Variants in AKAP19 observed in about 807,000 individuals in gnomAD.
AKAP19 encodes A-kinase anchoring protein 19.
At chr2:190,137,276 T>A in the AKAP19 span, among the ~76,000 whole-genome samples, 1 of 152,244 alleles carries the variant, frequency 6.6e-6, no homozygotes, top group East Asian at 1.9e-4. Context: ...GGAATGATTA[T>A]ATCTTTGTGT....
At chr2:190,062,765 A>G in the AKAP19 span, 18 of 610,950 alleles carry the variant, frequency 2.9e-5, no homozygotes, top group Non-Finnish European at 2.2e-5. Context: ...TTATATTCCA[A>G]CTTAGATGAG....
the AKAP19 span, among the ~76,000 whole-genome samples, chr2:190,015,463 G>T: frequency 6.6e-6 from 1 of 152,192 alleles, no homozygotes; most frequent in Non-Finnish European, 1.5e-5. Context: ...CAGCAGCAAA[G>T]CCCTGGGCTC....
At chr2:189,935,498 G>A in the AKAP19 span, among the ~76,000 whole-genome samples, 4 of 151,880 alleles carry the variant, frequency 2.6e-5, no homozygotes, top group Non-Finnish European at 2.9e-5. Flanking sequence ...TATGAAACTC[G>A]TTTTCTAAAA....
chr2:189,966,122 G>A, the AKAP19 span, among the ~76,000 whole-genome samples: 2 of 151,904 alleles, frequency 1.3e-5, no homozygotes, highest in African/African-American at 2.4e-5. Context: ...TTACTCATAC[G>A]TGGGAGCCGA....
chr2:189,949,448 T>G, the AKAP19 span, among the ~76,000 whole-genome samples: 3,641 of 149,560 alleles, frequency 0.024, 135 homozygotes, highest in East Asian at 0.15. Context: ...GAGGTTACAG[T>G]GAGCTGGGAT....
At chr2:189,914,181 C>G in the AKAP19 span, among the ~76,000 whole-genome samples, 1 of 152,052 alleles carries the variant, frequency 6.6e-6, no homozygotes, top group African/African-American at 2.4e-5. Context: ...CTGTTACGTA[C>G]AATTATAGAA....
At chr2:190,194,475 TATACACACACACACAC>T in the AKAP19 span, among the ~76,000 whole-genome samples, 79 of 126,914 alleles carry the variant, frequency 6.2e-4, no homozygotes, top group African/African-American at 2.0e-3. Context: ...GTATCCTGTG[TATACACACACACACAC>T]ACACACACAC....
At chr2:190,132,839 A>G in the AKAP19 span, among the ~76,000 whole-genome samples, 1 of 152,354 alleles carries the variant, frequency 6.6e-6, no homozygotes, top group East Asian at 1.9e-4. Flanking sequence ...CAACAGAGTG[A>G]AAAGACAACT....
chr2:189,909,944 C>A, the AKAP19 span, among the ~76,000 whole-genome samples: 5 of 151,856 alleles, frequency 3.3e-5, no homozygotes, highest in East Asian at 9.7e-4. Flanking sequence ...AAGTATAAAA[C>A]TGATTTCTTT....
the AKAP19 span, among the ~76,000 whole-genome samples, chr2:189,971,326 T>A: frequency 6.6e-6 from 1 of 152,240 alleles, no homozygotes; most frequent in Admixed American, 6.5e-5. Flanking sequence ...TCCTTTTTTA[T>A]GGATGCATAG....
At chr2:189,930,438 G>T in the AKAP19 span, 1 of 228,636 alleles carries the variant, frequency 4.4e-6, no homozygotes, top group Non-Finnish European at 8.8e-6. Flanking sequence ...CAGCACTTTG[G>T]GAGGCCGAGA....
chr2:190,187,406 T>C, the AKAP19 span, among the ~76,000 whole-genome samples: 1 of 145,976 alleles, frequency 6.9e-6, no homozygotes, highest in Admixed American at 6.7e-5. Context: ...ATTTTAGAAG[T>C]TACTTTTTTT....
the AKAP19 span, among the ~76,000 whole-genome samples, chr2:189,954,657 C>A: frequency 6.6e-6 from 1 of 152,156 alleles, no homozygotes; most frequent in African/African-American, 2.4e-5. Flanking sequence ...ACAACTAACA[C>A]ATTTTTGCAT....
chr2:190,076,308 A>G, the AKAP19 span, among the ~76,000 whole-genome samples: 2 of 151,874 alleles, frequency 1.3e-5, no homozygotes, highest in Non-Finnish European at 2.9e-5. Flanking sequence ...GCTAGCAACA[A>G]CTCTCCTCAT....
the AKAP19 span, among the ~76,000 whole-genome samples, chr2:190,044,751 T>C: frequency 9.9e-5 from 15 of 152,196 alleles, no homozygotes; most frequent in South Asian, 2.1e-4. Flanking sequence ...CCTAGTTGCC[T>C]CATATTTTCC....
the AKAP19 span, chr2:190,200,299 A>C: frequency 4.1e-3 from 2,752 of 674,438 alleles, 63 homozygotes; most frequent in African/African-American, 0.043. Context: ...CTAGGATGAA[A>C]TGCATTTTAA....
the AKAP19 span, among the ~76,000 whole-genome samples, chr2:189,893,216 G>A: frequency 0.29 from 43,926 of 152,006 alleles, 10,814 homozygotes; most frequent in African/African-American, 0.67. Context: ...CCCCCTTTCC[G>A]GAGGAGTGAA....
At chr2:190,040,991 G>A in the AKAP19 span, among the ~76,000 whole-genome samples, 363 of 152,184 alleles carry the variant, frequency 2.4e-3, 2 homozygotes, top group African/African-American at 8.1e-3. Flanking sequence ...GCTTAGGATC[G>A]CCTTGGCTAT....
the AKAP19 span, among the ~76,000 whole-genome samples, chr2:189,988,016 G>A: frequency 6.6e-6 from 1 of 151,958 alleles, no homozygotes; most frequent in Admixed American, 6.6e-5. Flanking sequence ...TGGTGGCGGG[G>A]GGCAGTGAAT....
Sources: allele counts gnomAD v4.1 joint callset (sites outside exome capture counted in the v4.1 genomes callset), GRCh38; gene constraint gnomAD v4.1.1; transcripts MANE v1.5; gene names NCBI Gene and HGNC (gene_info 2026-07-23, HGNC 2026-07-21).